PCDHGA8: variants seen among roughly 807,000 people sequenced by gnomAD.
PCDHGA8 encodes protocadherin gamma-A8.
A neutral mutation model predicts 59.2 loss-of-function variants in PCDHGA8; 45 were observed. The ratio of observed to expected loss-of-function variants is 0.76; its 90% CI spans 0.60 to 0.98. The LOEUF is 0.98. Ranked by LOEUF, PCDHGA8 falls within the 50% of genes least tolerant of loss-of-function variation. The pLI is 0.00. For synonymous variants in PCDHGA8, 531 were observed against 519.0 expected (o/e 1.02, Z -0.32); for missense variants, 1,257 against 1,196.2 (o/e 1.05, Z -0.75).
intron 1 of PCDHGA8, chr5:141,400,558 C>T: frequency 1.2e-6 from 2 of 1,613,290 alleles, no homozygotes; most frequent in Non-Finnish European, 1.7e-6. Flanking sequence ...TTTTTCATTA[C>T]CCACCCAATT....
chr5:141,419,579 C>G (rs759041306), intron 1 of PCDHGA8: 11 of 1,611,812 alleles, frequency 6.8e-6, no homozygotes, highest in Non-Finnish European at 9.3e-6. Flanking sequence ...CGGCTCCGCG[C>G]TCTTCGACAC....
At chr5:141,403,074 A>G (rs777613681) in intron 1 of PCDHGA8, 9 of 1,614,088 alleles carry the variant, frequency 5.6e-6, no homozygotes, top group Non-Finnish European at 6.8e-6. Flanking sequence ...GAGACAGAAA[A>G]GGGCTATATT....
At chr5:141,434,194 GTACT>G (rs527775432) in intron 1 of PCDHGA8, among the ~76,000 whole-genome samples, 169 of 152,308 alleles carry the variant, frequency 1.1e-3, no homozygotes, top group African/African-American at 3.9e-3. Flanking sequence ...TAATTCCAAT[GTACT>G]TACTTCTGTC....
chr5:141,504,949 G>A (rs1234166109), intron 2 of PCDHGA8, among the ~76,000 whole-genome samples: 5 of 152,098 alleles, frequency 3.3e-5, no homozygotes, highest in Non-Finnish European at 1.5e-5. Context: ...AATGCACTAT[G>A]TTCAATGCAT....
Position 141,431,711 on chromosome 5 carries a change from G to T in PCDHGA8, c.2424+36474G>T. On this transcript the variant is annotated intron_variant, in intron 1 of 3. Coordinates refer to ENST00000398604, the MANE Select transcript of PCDHGA8 (RefSeq NM_032088.2). This position sits in a 1 kb window ranked among gnomAD's most constrained non-coding sequence, Gnocchi z 4.8. ...CGAGGAGTCAGGATTCTACCAGATG[G>T]AAGTGCAAGCAATGGATAATGCAGG... 1 of 1,614,230 alleles carries T rather than the reference G, an allele frequency of 6.2e-7. No homozygotes were observed. The highest frequency in any genetic ancestry group is 1.1e-5 in the South Asian group (1 of 91,092).
intron 1 of PCDHGA8, chr5:141,478,026 C>G: frequency 6.2e-7 from 1 of 1,614,180 alleles, no homozygotes; most frequent in Non-Finnish European, 8.5e-7. Flanking sequence ...GTCCAAGACA[C>G]AGATTCACCC....
chr5:141,487,591 C>T lies in PCDHGA8; in HGVS notation c.2425-7216C>T. 8 of 1,614,176 alleles carry T rather than the reference C, an allele frequency of 5.0e-6. No homozygotes were observed. The highest frequency in any genetic ancestry group is 6.8e-6 in the Non-Finnish European group (8 of 1,180,036). On this transcript the variant is annotated intron_variant, in intron 1 of 3. Coordinates refer to ENST00000398604, the MANE Select transcript of PCDHGA8 (RefSeq NM_032088.2). The surrounding 1 kb of genome is among the most constrained non-coding windows in gnomAD (Gnocchi z 5.0). ...AGCCTGTTCGCCCAAGCTGCCCACC[C>T]TCTGATCTTCTCTATGGGCTAGAGG...
At chr5:141,422,296 A>T (rs200545713) in intron 1 of PCDHGA8, 6 of 1,550,706 alleles carry the variant, frequency 3.9e-6, no homozygotes, top group Non-Finnish European at 4.3e-6. Context: ...TATTAATTCA[A>T]TTCTGGAAAA....
chr5:141,489,641 C>T lies in PCDHGA8; in HGVS notation c.2425-5166C>T, dbSNP rs1356716387. On this transcript the variant is annotated intron_variant, in intron 1 of 3. Coordinates refer to ENST00000398604, the MANE Select transcript of PCDHGA8 (RefSeq NM_032088.2). This position sits in a 1 kb window ranked among gnomAD's most constrained non-coding sequence, Gnocchi z 4.5. The stretch of plus-strand genomic sequence containing the variant: ...CTCAATGACAACTCTCCTAGCTTTG[C>T]CACCCCTGAGCGAGAGATGCGCATC... The T allele has an allele frequency of 2.5e-6, 4 of 1,614,008 alleles. No individual in the cohort carries two copies. The highest frequency in any genetic ancestry group is 3.4e-6 in the Non-Finnish European group (4 of 1,180,012).
In PCDHGA8 at chr5:141,477,074, A is replaced by G; in HGVS notation, c.2425-17733A>G. Reference sequence around the variant, plus strand: ...CTTCGAGGACACCAAACTCCATGAGATTTACATCCAGGCCAAAGACAAGGG... The same window carrying G: ...CTTCGAGGACACCAAACTCCATGAGGTTTACATCCAGGCCAAAGACAAGGG... On this transcript the variant is annotated intron_variant, in intron 1 of 3. Coordinates refer to ENST00000398604, the MANE Select transcript of PCDHGA8 (RefSeq NM_032088.2). This position sits in a 1 kb window ranked among gnomAD's most constrained non-coding sequence, Gnocchi z 4.9. 1 of 1,614,250 alleles carries G rather than the reference A, an allele frequency of 6.2e-7. No homozygotes were observed.
At position 141,393,888 on chromosome 5, in the gene PCDHGA8, A is replaced by T. The variant is rs371905513; in HGVS notation, c.1075A>T (p.Asn359Tyr). 2.5e-6 allele frequency: 4 copies of T among 1,613,898 alleles called. No homozygotes were observed. The highest frequency in any genetic ancestry group is 1.3e-5 in the African/African-American group (1 of 74,932). The change falls in exon 1 of 4, where the codon AAT (asparagine) becomes TAT (tyrosine). Residue 359 changes from asparagine to tyrosine, a missense_variant. Transcript: ENST00000398604. ...ITSLFSPVLE[N>Y]SLPGTVIAFL... ...GTCTTTGTTTAGCCCAGTGTTAGAAAATTCTCTTCCCGGGACAGTAATTGC... is the reference window on the plus strand; with the variant it reads ...GTCTTTGTTTAGCCCAGTGTTAGAATATTCTCTTCCCGGGACAGTAATTGC...
At chr5:141,415,189 A>G (rs575244490) in intron 1 of PCDHGA8, 2 of 1,613,958 alleles carry the variant, frequency 1.2e-6, no homozygotes, top group Non-Finnish European at 1.7e-6. Context: ...GGCCGACAGC[A>G]TCCCCCAAGT....
intron 1 of PCDHGA8, chr5:141,417,227 T>G (rs2096097098): frequency 6.6e-6 from 1 of 152,172 alleles, no homozygotes; most frequent in South Asian, 2.1e-4. Flanking sequence ...ACAAAAAAAT[T>G]TGTTGCTTAT....
rs368371918 is a variant in PCDHGA8 at position 141,432,800 on chromosome 5, C to G, written c.2424+37563C>G. Reference sequence around the variant, plus strand: ...GGCGGACCTCGGCAGCCTCGAGTCTCCAGCTAACTCTGAAACCTCAGACCT... The same window carrying G: ...GGCGGACCTCGGCAGCCTCGAGTCTGCAGCTAACTCTGAAACCTCAGACCT... On this transcript the variant is annotated intron_variant, in intron 1 of 3. Coordinates refer to ENST00000398604, the MANE Select transcript of PCDHGA8 (RefSeq NM_032088.2). This position sits in a 1 kb window ranked among gnomAD's most constrained non-coding sequence, Gnocchi z 6.0. The G allele has an allele frequency of 9.9e-6, 16 of 1,614,038 alleles. No individual in the cohort carries two copies. Among genetic ancestry groups the G allele is most frequent in the Non-Finnish European group, 1.3e-5 (15 of 1,180,016 alleles).
In PCDHGA8 at chr5:141,491,149, G is replaced by T; in HGVS notation, c.2425-3658G>T. 6.8e-6 allele frequency: 11 copies of T among 1,614,152 alleles called. No homozygotes were observed. The highest frequency in any genetic ancestry group is 9.3e-6 in the Non-Finnish European group (11 of 1,180,010). On this transcript the variant is annotated intron_variant, in intron 1 of 3. Transcript: ENST00000398604. This position sits in a 1 kb window ranked among gnomAD's most constrained non-coding sequence, Gnocchi z 6.9. ...GCGCACAGCCCGGGCCTTACTGGAGGATGACTCTGACACCCAGCAGGTGGT... is the reference window on the plus strand; with the variant it reads ...GCGCACAGCCCGGGCCTTACTGGAGTATGACTCTGACACCCAGCAGGTGGT...
chr5:141,444,152 A>ATTTTTTTTT (rs747671382), intron 1 of PCDHGA8, among the ~76,000 whole-genome samples: 2 of 33,898 alleles, frequency 5.9e-5, no homozygotes, highest in Non-Finnish European at 5.2e-5. Context: ...TGTGTACTGG[A>ATTTTTTTTT]TTTTTTTTTT....
Position 141,393,088 on chromosome 5 carries a change from G to C in PCDHGA8, c.275G>C (p.Arg92Pro), listed in dbSNP as rs760420305. ...TTGATCACCGCGGGCAGGATAGATC[G>C]GGAGGAGCTCTGCGCTCAGAGCCCG... is the stretch of plus-strand genomic sequence containing the variant. Reference protein sequence around the residue: ...GSLITAGRIDREELCAQSPRC... With the variant: ...GSLITAGRIDPEELCAQSPRC... The change falls in exon 1 of 4, where the codon CGG (arginine) becomes CCG (proline). Residue 92 changes from arginine (R) to proline (P), a missense_variant. Coordinates refer to ENST00000398604, the MANE Select transcript of PCDHGA8 (RefSeq NM_032088.2). The C allele has an allele frequency of 2.5e-6, 4 of 1,613,648 alleles. No individual in the cohort carries two copies. Among genetic ancestry groups the C allele is most frequent in the South Asian group, 1.1e-5 (1 of 91,080 alleles).
chr5:141,402,879 C>T, intron 1 of PCDHGA8: 1 of 1,471,232 alleles, frequency 6.8e-7, no homozygotes, highest in Non-Finnish European at 9.0e-7. Flanking sequence ...CCATACTTTG[C>T]AGGGTGGAAG....
At chr5:141,417,452 C>A in intron 1 of PCDHGA8, 1 of 173,536 alleles carries the variant, frequency 5.8e-6, no homozygotes, top group Non-Finnish European at 1.2e-5. Flanking sequence ...ATAGTTATGA[C>A]CAAGTGGAAA....
Sources: gnomAD v4.1 joint callset for allele counts (sites outside exome capture counted in the v4.1 genomes callset) on GRCh38, gnomAD v4.1.1 for gene constraint, Gnocchi (gnomAD v3.1) non-coding constraint, MANE v1.5 for transcripts, NCBI Gene and HGNC (gene_info 2026-07-23, HGNC 2026-07-21) for gene names.